Variants in GBA1 observed in about 807,000 individuals in gnomAD.
GBA1 encodes glucosylceramidase beta 1.
chr1:155,242,066 A>G, the GBA1 span, among the ~76,000 whole-genome samples: 2 of 152,224 alleles, frequency 1.3e-5, no homozygotes, highest in Non-Finnish European at 2.9e-5. Context: ...ACACACAGTC[A>G]TGACCTGACT....
the GBA1 span, among the ~76,000 whole-genome samples, chr1:155,243,781 G>GA: frequency 6.9e-6 from 1 of 145,240 alleles, no homozygotes. Context: ...TTTTTGTTTT[G>GA]TTTTTTTTTT....
the GBA1 span, chr1:155,239,893 C>G: frequency 6.8e-6 from 11 of 1,613,922 alleles, no homozygotes; most frequent in Non-Finnish European, 8.5e-6. Flanking sequence ...TACCTGTGCC[C>G]GTGTGATTAG....
At chr1:155,235,486 A>G in the GBA1 span, 1 of 1,025,104 alleles carries the variant, frequency 9.8e-7, no homozygotes, top group Non-Finnish European at 1.5e-6. Context: ...ATCGCAGTCC[A>G]GCCTCAGGCA....
the GBA1 span, chr1:155,238,857 G>T: frequency 1.6e-6 from 1 of 611,856 alleles, no homozygotes; most frequent in Non-Finnish European, 2.9e-6. Context: ...GATAGGCGGT[G>T]AAATCTTATT....
At chr1:155,239,698 C>T in the GBA1 span, 1 of 1,614,146 alleles carries the variant, frequency 6.2e-7, no homozygotes, top group Non-Finnish European at 8.5e-7. Flanking sequence ...CAGCATCTGT[C>T]ATGGCCCCTC....
the GBA1 span, chr1:155,240,718 C>T: frequency 1.2e-6 from 2 of 1,612,826 alleles, no homozygotes; most frequent in African/African-American, 2.7e-5. Flanking sequence ...TGGGACATTC[C>T]TGAGGACAGA....
chr1:155,240,204 C>A, the GBA1 span: 1 of 821,636 alleles, frequency 1.2e-6, no homozygotes. Context: ...GGGCTCACAC[C>A]TGTAATCCTA....
At chr1:155,236,572 C>CT in the GBA1 span, 140 of 933,752 alleles carry the variant, frequency 1.5e-4, 1 homozygote, top group East Asian at 3.5e-3. Context: ...AAGAATGCAA[C>CT]TAGAGAGGTT....
the GBA1 span, chr1:155,236,362 C>G: frequency 6.2e-7 from 1 of 1,614,190 alleles, no homozygotes; most frequent in Non-Finnish European, 8.5e-7. Context: ...TGTTGGGGAA[C>G]AGGCGGTGTG....
the GBA1 span, chr1:155,240,385 A>C: frequency 1.7e-6 from 1 of 605,726 alleles, no homozygotes; most frequent in Non-Finnish European, 2.9e-6. Context: ...AATCGCTTGA[A>C]TCTGGGAGGC....
chr1:155,240,738 G>T, the GBA1 span: 21 of 1,602,324 alleles, frequency 1.3e-5, no homozygotes, highest in Non-Finnish European at 1.8e-5. Context: ...AATGAGGAAT[G>T]ACTGAAAAGC....
chr1:155,239,554 A>G, the GBA1 span: 1 of 1,596,888 alleles, frequency 6.3e-7, no homozygotes, highest in Admixed American at 1.7e-5. Context: ...AAATTTTAAA[A>G]AAAGAAAAGA....
At chr1:155,237,579 C>G in the GBA1 span, 3 of 1,613,282 alleles carry the variant, frequency 1.9e-6, no homozygotes, top group East Asian at 6.7e-5. Context: ...ATCCAGGAAC[C>G]TGGCAAGAGA....
the GBA1 span, among the ~76,000 whole-genome samples, chr1:155,241,746 T>G: frequency 6.6e-6 from 1 of 152,006 alleles, no homozygotes; most frequent in Non-Finnish European, 1.5e-5. Flanking sequence ...CCAGGATGGC[T>G]TCACAGAGGA....
At chr1:155,239,773 C>T in the GBA1 span, 1 of 1,614,020 alleles carries the variant, frequency 6.2e-7, no homozygotes. Context: ...CTGAGGACAT[C>T]CACAGGGAAT....
At chr1:155,241,116 C>T in the GBA1 span, 1 of 1,614,044 alleles carries the variant, frequency 6.2e-7, no homozygotes, top group African/African-American at 1.3e-5. Flanking sequence ...ACTCCATCCC[C>T]TCAGGGTCAT....
the GBA1 span, chr1:155,237,442 C>T: frequency 1.9e-6 from 3 of 1,613,940 alleles, no homozygotes; most frequent in Non-Finnish European, 2.5e-6. Flanking sequence ...AGGTCACGGG[C>T]AATGAAGTCT....
the GBA1 span, chr1:155,236,465 A>C: frequency 6.2e-7 from 1 of 1,613,374 alleles, no homozygotes; most frequent in South Asian, 1.1e-5. Context: ...TGGGTCTGTC[A>C]GTACCTGCAA....
At chr1:155,236,258 T>G in the GBA1 span, 1 of 1,614,036 alleles carries the variant, frequency 6.2e-7, no homozygotes, top group Non-Finnish European at 8.5e-7. Flanking sequence ...GATGATGCTG[T>G]GGCTGTACTG....
Sources: gnomAD v4.1 joint callset for allele counts (sites outside exome capture counted in the v4.1 genomes callset) on GRCh38, gnomAD v4.1.1 for gene constraint, MANE v1.5 for transcripts, NCBI Gene and HGNC (gene_info 2026-07-23, HGNC 2026-07-21) for gene names.